NRG4: variants seen among roughly 807,000 people sequenced by gnomAD.
NRG4 encodes neuregulin 4.
Under a neutral mutation model 15.0 loss-of-function variants are expected in NRG4, and 10 were observed. The ratio of observed to expected loss-of-function variants is 0.67; its 90% CI spans 0.41 to 1.13. NRG4 has a LOEUF of 1.13. Among genes scored for constraint, NRG4 ranks in the 50% most tolerant of loss-of-function variants. The pLI, the probability that NRG4 is intolerant of heterozygous loss-of-function variation, is 0.00. For missense variants in NRG4, 139 were observed against 140.2 expected, an observed-to-expected ratio of 0.99 and a Z score of 0.04; for synonymous variants, 41 against 50.1, an observed-to-expected ratio of 0.82 and a Z score of 0.77.
intron 3 of NRG4, among the ~76,000 whole-genome samples, chr15:75,992,243 G>T (rs2034043939): frequency 6.6e-6 from 1 of 152,060 alleles, no homozygotes; most frequent in Non-Finnish European, 1.5e-5. Context: ...TACTCATTAT[G>T]TACCTCACCT....
chr15:76,037,863 G>C (rs2035630825), intron 4 of NRG4, among the ~76,000 whole-genome samples: 1 of 152,128 alleles, frequency 6.6e-6, no homozygotes, highest in Non-Finnish European at 1.5e-5. Context: ...GAGAGAAGAG[G>C]GAAGAGTAAA....
At chr15:76,031,167 A>G (rs773737674) in intron 5 of NRG4, among the ~76,000 whole-genome samples, 1 of 151,832 alleles carries the variant, frequency 6.6e-6, no homozygotes, top group Non-Finnish European at 1.5e-5. Flanking sequence ...AAACTTCAAT[A>G]TCCATTCATG....
At chr15:76,027,403 C>G (rs1034569281) in intron 5 of NRG4, among the ~76,000 whole-genome samples, 3 of 150,844 alleles carry the variant, frequency 2.0e-5, no homozygotes, top group African/African-American at 7.3e-5. Context: ...CACCCAGCAC[C>G]AAAGCACCTA....
downstream of NRG4, chr15:75,936,446 A>G (rs189426606): frequency 1.3e-5 from 2 of 152,342 alleles, no homozygotes; most frequent in Admixed American, 1.3e-4. Flanking sequence ...TATTTGCAAA[A>G]TATGTTATTT....
intron 3 of NRG4, among the ~76,000 whole-genome samples, chr15:76,007,427 C>CT (rs61259541): frequency 0.01 from 1,392 of 133,494 alleles, 22 homozygotes; most frequent in East Asian, 0.019. Context: ...ATTAAACGCA[C>CT]TTTTTTTTTT....
chr15:75,953,663 C>T (rs2141791668), intron 5 of NRG4, among the ~76,000 whole-genome samples: 1 of 152,156 alleles, frequency 6.6e-6, no homozygotes, highest in East Asian at 1.9e-4. Context: ...TTTCTAGCTG[C>T]CTTTAAGACT....
At chr15:75,958,629 G>C (rs994838276) in intron 4 of NRG4, among the ~76,000 whole-genome samples, 14 of 152,248 alleles carry the variant, frequency 9.2e-5, no homozygotes, top group Middle Eastern at 3.4e-3. Flanking sequence ...TGTGAATTCA[G>C]GATGGAGACC....
chr15:76,008,813 T>C (rs1021916400), intron 3 of NRG4, among the ~76,000 whole-genome samples: 1 of 152,200 alleles, frequency 6.6e-6, no homozygotes, highest in African/African-American at 2.4e-5. Context: ...GTTTATGTAC[T>C]AAAAACTCAA....
chr15:76,020,246 A>T (rs2035112604), intron 5 of NRG4, among the ~76,000 whole-genome samples: 1 of 152,190 alleles, frequency 6.6e-6, no homozygotes. Context: ...AGCCCAATTG[A>T]TAACCCTACA....
intron 2 of NRG4, among the ~76,000 whole-genome samples, chr15:76,054,626 G>A (rs990953457): frequency 2.6e-5 from 4 of 152,110 alleles, no homozygotes; most frequent in Admixed American, 6.6e-5. Context: ...TGTTGGCCAG[G>A]CTGGTCTCAA....
upstream of NRG4, among the ~76,000 whole-genome samples, chr15:76,016,359 T>A (rs192462014): frequency 1.6e-4 from 25 of 152,326 alleles, no homozygotes; most frequent in Non-Finnish European, 2.8e-4. Flanking sequence ...TGATCTTAGT[T>A]ATTTCTTGTC....
upstream of NRG4, among the ~76,000 whole-genome samples, chr15:76,014,978 A>T (rs572686763): frequency 9.8e-5 from 15 of 152,322 alleles, no homozygotes; most frequent in Non-Finnish European, 1.6e-4. Flanking sequence ...ATCCATGAGC[A>T]TGGAATGTTC....
At chr15:76,009,868 T>C (rs1192106351) in intron 2 of NRG4, among the ~76,000 whole-genome samples, 2 of 152,266 alleles carry the variant, frequency 1.3e-5, no homozygotes, top group East Asian at 3.9e-4. Flanking sequence ...TTACTAACCA[T>C]AAGGCATATC....
At chr15:75,997,564 G>T (rs1035914718) in intron 3 of NRG4, among the ~76,000 whole-genome samples, 4 of 152,126 alleles carry the variant, frequency 2.6e-5, no homozygotes, top group African/African-American at 7.2e-5. Flanking sequence ...AGTAGAGAGA[G>T]ATATAAGATA....
intron 5 of NRG4, among the ~76,000 whole-genome samples, chr15:76,023,650 T>C (rs891626427): frequency 1.3e-5 from 2 of 152,172 alleles, no homozygotes; most frequent in African/African-American, 4.8e-5. Flanking sequence ...ACCTCTGGAA[T>C]GCATCCTACT....
intron 3 of NRG4, among the ~76,000 whole-genome samples, chr15:75,992,409 T>C (rs1198226442): frequency 1.3e-5 from 2 of 152,164 alleles, no homozygotes; most frequent in African/African-American, 4.8e-5. Flanking sequence ...GGCTTGCAGG[T>C]AATAAATTAT....
At chr15:76,046,241 A>G (rs2035867117) in intron 4 of NRG4, among the ~76,000 whole-genome samples, 1 of 151,226 alleles carries the variant, frequency 6.6e-6, no homozygotes, top group African/African-American at 2.5e-5. Flanking sequence ...ATACTCATTA[A>G]TTGGAAGAAT....
chr15:76,026,919 G>C (rs1443137401), intron 5 of NRG4, among the ~76,000 whole-genome samples: 3 of 152,086 alleles, frequency 2.0e-5, no homozygotes, highest in Admixed American at 2.0e-4. Context: ...TCAGGAGATT[G>C]AGACCATCCT....
intron 5 of NRG4, among the ~76,000 whole-genome samples, chr15:75,947,906 G>A (rs2031632989): frequency 6.6e-6 from 1 of 152,120 alleles, no homozygotes; most frequent in Non-Finnish European, 1.5e-5. Flanking sequence ...CCAATAATTT[G>A]TGATGTTGAG....
Sources: gnomAD v4.1 joint callset for allele counts (sites outside exome capture counted in the v4.1 genomes callset) on GRCh38, gnomAD v4.1.1 for gene constraint, MANE v1.5 for transcripts, NCBI Gene and HGNC (gene_info 2026-07-23, HGNC 2026-07-21) for gene names.